CNGA4: variants seen among roughly 807,000 people sequenced by gnomAD.
CNGA4 encodes the protein cyclic nucleotide gated channel subunit alpha 4, also known as cyclic nucleotide-gated channel alpha-4.
Under a neutral mutation model 45.6 loss-of-function variants are expected in CNGA4, and 32 were observed. The ratio of observed to expected loss-of-function variants is 0.70; its 90% CI spans 0.53 to 0.94. The LOEUF (loss-of-function observed/expected upper bound fraction) is 0.94, where lower values mean the gene tolerates loss of function less well. CNGA4 is among the 40% of genes least tolerant of loss of function. The probability of loss-of-function intolerance (pLI) is 0.00; values close to 1 mark genes in which losing one functional copy is unlikely to be tolerated. For synonymous variants in CNGA4, 293 were observed against 304.6 expected, an observed-to-expected ratio of 0.96 and a Z score of 0.40; for missense variants, 726 against 755.1, an observed-to-expected ratio of 0.96 and a Z score of 0.45.
downstream of CNGA4, chr11:6,244,548 A>AT: frequency 1.4e-6 from 1 of 721,806 alleles, no homozygotes; most frequent in Non-Finnish European, 2.2e-6. The surrounding 1 kb of genome is among the most constrained non-coding windows in gnomAD (Gnocchi z 4.5). Flanking sequence ...AGCTAGAGAT[A>AT]TAGGAGTTTA....
In CNGA4 at chr11:6,244,351, G is replaced by A; in HGVS notation, c.1670G>A (p.Gly557Glu). Residue 557 changes from glycine to glutamate, a missense_variant, in exon 6 of 6, where the codon GGA (glycine) becomes GAA (glutamate). Coordinates refer to ENST00000379936, the MANE Select transcript of CNGA4 (RefSeq NM_001037329.4). This position sits in a 1 kb window ranked among gnomAD's most constrained non-coding sequence, Gnocchi z 4.5. ...EADDEGEPEE[G>E]TSKDEEGRAS... Reference sequence around the variant, plus strand: ...GATGACGAGGGTGAGCCTGAGGAGGGAACTTCCAAAGATGAAGAGGGCAGG... The same window carrying A: ...GATGACGAGGGTGAGCCTGAGGAGGAAACTTCCAAAGATGAAGAGGGCAGG... The A allele has an allele frequency of 1.2e-6, 2 of 1,614,046 alleles. No homozygotes were observed. The highest frequency in any genetic ancestry group is 1.7e-6 in the Non-Finnish European group (2 of 1,180,010).
intron 5 of CNGA4, among the ~76,000 whole-genome samples, chr11:6,242,477 G>A (rs1413991767): frequency 6.6e-6 from 1 of 152,060 alleles, no homozygotes; most frequent in African/African-American, 2.4e-5. Context: ...AGGAAATCCT[G>A]CAAATGGGGT....
chr11:6,243,885 G>A lies in CNGA4; in HGVS notation c.1268-64G>A, dbSNP rs1847951121. The A allele has an allele frequency of 2.7e-6, 4 of 1,460,998 alleles. No individual in the cohort carries two copies. In the African/African-American group the frequency reaches 4.2e-5, roughly 15 times the overall value. The allele number at this position is 1,460,998 out of a possible 1,614,324, so 90.5% of individuals were successfully genotyped here. ...TATGGAGGTGAAGGTCCTGGTTCAG[G>A]AGTGAAATGCCACCTCCTCACCCTC... On this transcript the variant is annotated intron_variant, in intron 5 of 5. Coordinates refer to ENST00000379936, the MANE Select transcript of CNGA4 (RefSeq NM_001037329.4).
At chr11:6,244,923 T>G (rs953251129), downstream of CNGA4, among the ~76,000 whole-genome samples, 4 of 152,212 alleles carry the variant, frequency 2.6e-5, no homozygotes, top group African/African-American at 7.2e-5. This position sits in a 1 kb window ranked among gnomAD's most constrained non-coding sequence, Gnocchi z 4.5. Flanking sequence ...TATGGGCGAT[T>G]CACAAGTATA....
At chr11:6,239,296 A>G (rs759000450) in intron 1 of CNGA4, 28 bp downstream of exon 1, 18 of 1,613,176 alleles carry the variant, frequency 1.1e-5, no homozygotes, top group East Asian at 2.2e-5. Flanking sequence ...CTTGTGTGGG[A>G]TCTCTCCTCA....
chr11:6,236,872 G>A (rs1320751406), upstream of CNGA4, among the ~76,000 whole-genome samples: 1 of 152,210 alleles, frequency 6.6e-6, no homozygotes, highest in Non-Finnish European at 1.5e-5. Flanking sequence ...GATGCAACAG[G>A]AATGGCTTGT....
At chr11:6,238,447 T>C (rs77708787), upstream of CNGA4, among the ~76,000 whole-genome samples, 631 of 152,172 alleles carry the variant, frequency 4.1e-3, 4 homozygotes, top group African/African-American at 0.013. Context: ...TGTTTTGATA[T>C]AGGAGATATT....
At position 6,241,746 on chromosome 11, in the gene CNGA4, C is replaced by T. The variant is rs754011682; in HGVS notation, c.1233C>T (p.Leu411=). 1 of 1,614,162 alleles carries T rather than the reference C, an allele frequency of 6.2e-7. No individual in the cohort carries two copies. Among genetic ancestry groups the T allele is most frequent in the Admixed American group, 1.7e-5 (1 of 60,022 alleles). The change falls in exon 5 of 6, where the codon CTC becomes CTT. Residue 411 remains leucine (L), a synonymous_variant. Coordinates refer to ENST00000379936, the MANE Select transcript of CNGA4 (RefSeq NM_001037329.4). ...ITQYAVLGAG[L]YFGEISIINI... ...AGTATGCTGTGCTCGGTGCAGGGCTCTACTTTGGGGAGATCAGCATCATCA... is the reference window on the plus strand; with the variant it reads ...AGTATGCTGTGCTCGGTGCAGGGCTTTACTTTGGGGAGATCAGCATCATCA...
In CNGA4 at chr11:6,244,112, G is replaced by C; in HGVS notation, c.1431G>C (p.Lys477Asn). Reference sequence around the variant, plus strand: ...GTGAGATCCTGCTGAAAATGAACAAGTTGGACGTGAATGCTGAGGCAGCTG... The same window carrying C: ...GTGAGATCCTGCTGAAAATGAACAACTTGGACGTGAATGCTGAGGCAGCTG... ...KGREILLKMN[K>N]LDVNAEAAEI... is the part of the protein sequence containing the mutation. The change falls in exon 6 of 6, where the codon AAG (lysine) becomes AAC (asparagine). Residue 477 changes from lysine to asparagine, a missense_variant. Lys to Asn is a moderately conservative substitution (Grantham distance 94). Transcript: ENST00000379936. The surrounding 1 kb of genome is among the most constrained non-coding windows in gnomAD (Gnocchi z 4.5). 6.2e-7 allele frequency: 1 copy of C among 1,614,240 alleles called. No homozygotes were observed. The highest frequency in any genetic ancestry group is 8.5e-7 in the Non-Finnish European group (1 of 1,180,044).
intron 2 of CNGA4, 80 bp downstream of exon 2, chr11:6,239,565 G>T (rs1847880385): frequency 4.5e-6 from 7 of 1,567,704 alleles, no homozygotes; most frequent in East Asian, 2.2e-5. Context: ...CAGACCCTTG[G>T]TGGGGCAGGA....
chr11:6,241,978 G>A (rs1847926224), intron 5 of CNGA4, 198 bp downstream of exon 5: 1 of 601,526 alleles, frequency 1.7e-6, no homozygotes, highest in African/African-American at 1.9e-5. Context: ...CTGAGCCAAG[G>A]CCAGTGAACA....
Position 6,239,485 on chromosome 11 carries a change from G to A in CNGA4, c.164G>A (p.Arg55Lys). Residue 55 changes from arginine to lysine, a missense_variant and splice_region_variant, in exon 2 of 6, where the codon AGA becomes AAA. Transcript: ENST00000379936. ...TATAACCTCATCATCCTCGTGTGCA[G>A]GTATGGCAGCGGTGCTAAGGGAGGG... Reference protein sequence around the residue: ...VMYNLIILVCRACFPDLQHGY... With the variant: ...VMYNLIILVCKACFPDLQHGY... The A allele has an allele frequency of 6.2e-7, 1 of 1,614,128 alleles. No individual in the cohort carries two copies. Among genetic ancestry groups the A allele is most frequent in the Non-Finnish European group, 8.5e-7 (1 of 1,179,966 alleles).
At chr11:6,242,793 T>C (rs1847935907) in intron 5 of CNGA4, among the ~76,000 whole-genome samples, 1 of 152,218 alleles carries the variant, frequency 6.6e-6, no homozygotes, top group Non-Finnish European at 1.5e-5. Context: ...GTTCAACAAA[T>C]AGTAGCTCCC....
Position 6,241,477 on chromosome 11 carries a change from A to G in CNGA4, c.964A>G (p.Ile322Val), listed in dbSNP as rs1313663432. ...INKKMTNEVA[I>V]LQHLPERLRA... Reference sequence around the variant, plus strand: ...CAAGAAGATGACCAACGAGGTAGCCATCTTACAGCACTTGCCTGAGCGGCT... The same window carrying G: ...CAAGAAGATGACCAACGAGGTAGCCGTCTTACAGCACTTGCCTGAGCGGCT... Residue 322 changes from isoleucine (I) to valine (V), a missense_variant, in exon 5 of 6, where the codon ATC becomes GTC. By Grantham distance (29) the Ile-to-Val change is conservative. Coordinates refer to ENST00000379936, the MANE Select transcript of CNGA4 (RefSeq NM_001037329.4). The G allele has an allele frequency of 2.5e-6, 4 of 1,605,640 alleles. No individual in the cohort carries two copies. The highest frequency in any genetic ancestry group is 1.3e-5 in the African/African-American group (1 of 74,792).
chr11:6,244,034 G>A lies in CNGA4; in HGVS notation c.1353G>A (p.Arg451=). 3.7e-6 allele frequency: 6 copies of A among 1,614,186 alleles called. No homozygotes were observed. The highest frequency in any genetic ancestry group is 5.1e-6 in the Non-Finnish European group (6 of 1,180,034). Residue 451 remains arginine (R), a synonymous_variant, in exon 6 of 6, where the codon CGG becomes CGA. Coordinates refer to ENST00000379936, the MANE Select transcript of CNGA4 (RefSeq NM_001037329.4). This position sits in a 1 kb window ranked among gnomAD's most constrained non-coding sequence, Gnocchi z 4.5. ...DLFCLSKEDL[R]EVLSEYPQAQ... Reference sequence around the variant, plus strand: ...TCTGCCTGAGCAAGGAGGACCTGCGGGAGGTGCTGAGCGAGTATCCACAAG... The same window carrying A: ...TCTGCCTGAGCAAGGAGGACCTGCGAGAGGTGCTGAGCGAGTATCCACAAG...
upstream of CNGA4, among the ~76,000 whole-genome samples, chr11:6,236,670 T>C (rs544503027): frequency 1.3e-5 from 2 of 152,210 alleles, no homozygotes; most frequent in Non-Finnish European, 2.9e-5. Context: ...TTCTGTTTCT[T>C]GATCTGAGTG....
chr11:6,239,300 C>T, intron 1 of CNGA4, 32 bp downstream of exon 1: 2 of 1,612,804 alleles, frequency 1.2e-6, no homozygotes, highest in African/African-American at 2.7e-5. Flanking sequence ...TGTGGGATCT[C>T]TCCTCATTCC....
chr11:6,235,375 A>G, upstream of CNGA4: 4 of 633,218 alleles, frequency 6.3e-6, no homozygotes, highest in Non-Finnish European at 7.9e-6. Flanking sequence ...CTGCATGCCC[A>G]GCTGGATTCC....
At chr11:6,236,279 A>G (rs1344884521), upstream of CNGA4, among the ~76,000 whole-genome samples, 1 of 152,236 alleles carries the variant, frequency 6.6e-6, no homozygotes, top group African/African-American at 2.4e-5. Flanking sequence ...GAGGCTGAAG[A>G]CATGGACTGG....
Sources: gnomAD v4.1 joint callset for allele counts (sites outside exome capture counted in the v4.1 genomes callset) on GRCh38, gnomAD v4.1.1 for gene constraint, Gnocchi (gnomAD v3.1) non-coding constraint, MANE v1.5 for transcripts, NCBI Gene and HGNC (gene_info 2026-07-23, HGNC 2026-07-21) for gene names.